The following GALNTL5 variants were observed in gnomAD, a reference collection of about 807,000 sequenced individuals.
The protein encoded by GALNTL5 is inactive polypeptide N-acetylgalactosaminyltransferase-like protein 5.
GALNTL5 carries 44 observed loss-of-function variants against 51.0 expected under a neutral mutation model. The observed-to-expected ratio is 0.86, with a 90% CI of 0.68 to 1.11. The LOEUF (loss-of-function observed/expected upper bound fraction) is 1.11. Ranked by LOEUF, GALNTL5 falls within the 50% of genes least tolerant of loss-of-function variation. The pLI, the probability that GALNTL5 is intolerant of heterozygous loss-of-function variation, is 0.00. For missense variants in GALNTL5, 528 were observed against 531.8 expected (o/e 0.99, Z 0.07); for synonymous variants, 192 against 182.8 (o/e 1.05, Z -0.41).
At chr7:151,967,659 G>C (rs1047212601) in intron 2 of GALNTL5, among the ~76,000 whole-genome samples, 166 bp downstream of exon 2, 4 of 151,988 alleles carry the variant, frequency 2.6e-5, no homozygotes, top group African/African-American at 9.7e-5. Context: ...AATAAAACAA[G>C]TATGCATGTA....
intron 1 of GALNTL5, among the ~76,000 whole-genome samples, chr7:151,961,846 AT>A (rs1470086588): frequency 6.6e-6 from 1 of 152,116 alleles, no homozygotes; most frequent in Non-Finnish European, 1.5e-5. Flanking sequence ...TTTTAAAAAT[AT>A]TTTTCAGTGT....
chr7:151,957,221 T>C (rs1009837397), intron 1 of GALNTL5, among the ~76,000 whole-genome samples: 2 of 151,562 alleles, frequency 1.3e-5, no homozygotes, highest in Admixed American at 1.3e-4. Context: ...AGCATGGTCA[T>C]GTTTTCCTGA....
intron 6 of GALNTL5, 27 bp downstream of exon 6, chr7:152,002,990 A>T: frequency 6.2e-7 from 1 of 1,606,514 alleles, no homozygotes; most frequent in Non-Finnish European, 8.5e-7. Context: ...TTTTGGAAAA[A>T]TATAGCATAC....
At chr7:152,005,814 A>G (rs993674356) in intron 6 of GALNTL5, among the ~76,000 whole-genome samples, 1 of 152,138 alleles carries the variant, frequency 6.6e-6, no homozygotes, top group Admixed American at 6.6e-5. Context: ...ATTACTTAGG[A>G]CTCAATCTAT....
intron 2 of GALNTL5, among the ~76,000 whole-genome samples, chr7:151,967,930 T>C (rs1055683951): frequency 3.9e-5 from 6 of 152,204 alleles, no homozygotes; most frequent in Middle Eastern, 6.3e-3. Context: ...CTGATACACA[T>C]ATCTTTTTGG....
chr7:151,983,605 A>G (rs2081324672), intron 4 of GALNTL5, among the ~76,000 whole-genome samples: 1 of 152,084 alleles, frequency 6.6e-6, no homozygotes, highest in Non-Finnish European at 1.5e-5. Flanking sequence ...GACATGTGAG[A>G]CCTGGGCCCT....
chr7:151,969,847 C>T (rs1457330261), intron 2 of GALNTL5, among the ~76,000 whole-genome samples: 3 of 152,204 alleles, frequency 2.0e-5, no homozygotes, highest in Non-Finnish European at 4.4e-5. Flanking sequence ...CGCTCTGTCG[C>T]CCAGGCTGGA....
chr7:151,981,566 C>T (rs1296919175), intron 3 of GALNTL5, among the ~76,000 whole-genome samples: 1 of 25,934 alleles, frequency 3.9e-5, no homozygotes, highest in East Asian at 1.5e-3. Flanking sequence ...TCCTTCCTTC[C>T]TTCCTTCCTT....
chr7:152,002,754 C>G lies in GALNTL5; in HGVS notation c.699C>G (p.Asn233Lys). The change falls in exon 6 of 9, where the codon AAC (asparagine) becomes AAG (lysine). Residue 233 changes from asparagine (N) to lysine (K), a missense_variant. By Grantham distance (94) the Asn-to-Lys change is moderately conservative. Transcript: ENST00000392800. ...LVFLDSHCEV[N>K]RVWLEPLLHA... ...TCCTGGACAGCCACTGTGAGGTGAA[C>G]AGAGTATGGCTGGAGCCCCTGCTGC... 1.9e-6 allele frequency: 3 copies of G among 1,614,132 alleles called. No homozygotes were observed. Among genetic ancestry groups the G allele is most frequent in the Non-Finnish European group, 2.5e-6 (3 of 1,180,006 alleles).
At chr7:151,996,985 C>T (rs1179804523) in intron 5 of GALNTL5, among the ~76,000 whole-genome samples, 8 of 148,470 alleles carry the variant, frequency 5.4e-5, no homozygotes, top group Non-Finnish European at 1.2e-4. Flanking sequence ...GAAATTGATA[C>T]ATACGCTATT....
intron 8 of GALNTL5, 144 bp downstream of exon 8, chr7:152,014,937 A>G (rs1256385096): frequency 3.0e-6 from 2 of 666,332 alleles, no homozygotes; most frequent in Non-Finnish European, 4.9e-6. Context: ...ACGGAAAACC[A>G]AATACTGCAT....
In GALNTL5 at chr7:151,971,008, T is replaced by C; in HGVS notation, c.311T>C (p.Val104Ala). 6.2e-7 allele frequency: 1 copy of C among 1,610,282 alleles called. No homozygotes were observed. The highest frequency in any genetic ancestry group is 1.7e-4 in the Middle Eastern group (1 of 6,054). The stretch of plus-strand genomic sequence containing the variant: ...GAACTTTTAAAATATGGATTTAATG[T>C]GATTATCAGTAGAAGCTTGGGCATC... ...HKELLKYGFN[V>A]IISRSLGIER... Residue 104 changes from valine to alanine, a missense_variant, in exon 3 of 9, where the codon GTG becomes GCG. Physicochemically the swap from Val to Ala is moderately conservative, Grantham distance 64. Transcript: ENST00000392800.
chr7:151,995,982 A>C (rs2081494384), intron 5 of GALNTL5, among the ~76,000 whole-genome samples: 1 of 152,178 alleles, frequency 6.6e-6, no homozygotes, highest in East Asian at 1.9e-4. Context: ...GCATCATCCC[A>C]CCACCAGATT....
chr7:151,998,220 T>C (rs958704312), intron 5 of GALNTL5, among the ~76,000 whole-genome samples: 3 of 151,800 alleles, frequency 2.0e-5, no homozygotes, highest in African/African-American at 4.8e-5. Context: ...AAAAACATCA[T>C]CATCATCAAA....
At chr7:151,983,219 C>A in intron 4 of GALNTL5, 67 bp downstream of exon 4, 1 of 1,402,666 alleles carries the variant, frequency 7.1e-7, no homozygotes, top group Non-Finnish European at 1.0e-6. Context: ...CCTCTGTCAC[C>A]CAGGCTGGAG....
intron 8 of GALNTL5, among the ~76,000 whole-genome samples, 180 bp from the exon 9 acceptor site, chr7:152,019,466 G>A: frequency 6.6e-6 from 1 of 152,170 alleles, no homozygotes; most frequent in African/African-American, 2.4e-5. Context: ...TGCAGGGTGG[G>A]TAAATCCGAG....
chr7:152,004,414 G>C (rs888905265), intron 6 of GALNTL5, among the ~76,000 whole-genome samples: 19 of 151,006 alleles, frequency 1.3e-4, no homozygotes, highest in African/African-American at 4.6e-4. Context: ...ATTTTTTAAA[G>C]GTTAAAAGAA....
intron 2 of GALNTL5, among the ~76,000 whole-genome samples, chr7:151,968,684 A>G (rs2081089997): frequency 6.6e-6 from 1 of 152,254 alleles, no homozygotes; most frequent in African/African-American, 2.4e-5. Flanking sequence ...TTCTCTGCCA[A>G]GTGAAACAAG....
intron 3 of GALNTL5, among the ~76,000 whole-genome samples, chr7:151,981,967 A>G (rs1412960063): frequency 1.3e-5 from 2 of 151,554 alleles, no homozygotes; most frequent in African/African-American, 4.8e-5. Context: ...TTCTTTTGCT[A>G]AAGTTAGCTC....
Sources: gnomAD v4.1 joint callset for allele counts (sites outside exome capture counted in the v4.1 genomes callset) on GRCh38, gnomAD v4.1.1 for gene constraint, MANE v1.5 for transcripts, NCBI Gene and HGNC (gene_info 2026-07-23, HGNC 2026-07-21) for gene names.